RASA1: variants seen among roughly 807,000 people sequenced by gnomAD.
The protein encoded by RASA1 is RAS p21 protein activator 1.
Under a neutral mutation model 132.2 loss-of-function variants are expected in RASA1, and 25 were observed. The ratio of observed to expected loss-of-function variants is 0.19; its 90% confidence interval spans 0.14 to 0.26. The LOEUF (loss-of-function observed/expected upper bound fraction) is 0.26. Among genes scored for constraint, RASA1 ranks in the 10% least tolerant of loss-of-function variants. The probability of loss-of-function intolerance (pLI) is 1.00; values close to 1 mark genes in which losing one functional copy is unlikely to be tolerated. For missense variants in RASA1, 964 were observed against 1,299.2 expected, an observed-to-expected ratio of 0.74 and a Z score of 3.97; for synonymous variants, 477 against 449.9, an observed-to-expected ratio of 1.06 and a Z score of -0.76.
At chr5:87,322,887 G>A (rs549409277) in intron 1 of RASA1, among the ~76,000 whole-genome samples, 1 of 152,334 alleles carries the variant, frequency 6.6e-6, no homozygotes, top group African/African-American at 2.4e-5. Context: ...TAGGAAGGAT[G>A]CTGGTGTTAT....
chr5:87,278,390 C>CA (rs55633664), intron 1 of RASA1, among the ~76,000 whole-genome samples: 1,785 of 126,376 alleles, frequency 0.014, 13 homozygotes, highest in Non-Finnish European at 0.018. Flanking sequence ...ACTAAAAATA[C>CA]AAAAAAAAAA....
chr5:87,332,724 G>T, intron 3 of RASA1, 82 bp downstream of exon 3: 1 of 1,331,734 alleles, frequency 7.5e-7, no homozygotes, highest in Non-Finnish European at 1.0e-6. Flanking sequence ...AGTTTCTTAT[G>T]TTTATTATAA....
chr5:87,348,640 A>AT lies in RASA1; in HGVS notation c.1103-561dup, dbSNP rs1004683068. 1.0e-3 allele frequency among the ~76,000 whole-genome samples: 147 copies of AT among 145,450 alleles called. No individual in the cohort carries two copies. In the East Asian group the frequency reaches 0.011, roughly 11 times the overall value. ...ATTTTATTACAGTTATTACTTTTTA[A>AT]TTTTTTTTTTTTTAAGATGCAGGAT... On this transcript the variant is annotated intron_variant, in intron 7 of 24. Transcript: ENST00000274376.
intron 1 of RASA1, among the ~76,000 whole-genome samples, chr5:87,281,904 T>G (rs1240696367): frequency 6.6e-6 from 1 of 152,086 alleles, no homozygotes; most frequent in Non-Finnish European, 1.5e-5. Context: ...CGAGTTGAGT[T>G]TTTTTGTTTT....
intron 20 of RASA1, among the ~76,000 whole-genome samples, chr5:87,381,062 A>G (rs1261317407): frequency 6.6e-6 from 1 of 152,206 alleles, no homozygotes; most frequent in Non-Finnish European, 1.5e-5. Flanking sequence ...AATTAGGAAG[A>G]ACTGCTTTGG....
intron 1 of RASA1, among the ~76,000 whole-genome samples, chr5:87,273,941 G>A (rs373402785): frequency 5.9e-5 from 9 of 152,144 alleles, no homozygotes; most frequent in Admixed American, 2.6e-4. Flanking sequence ...CAGGTGATCC[G>A]CCTGCCTTGG....
chr5:87,379,922 T>C (rs1017298404), intron 19 of RASA1, 72 bp downstream of exon 19: 6 of 1,449,682 alleles, frequency 4.1e-6, no homozygotes, highest in Admixed American at 3.6e-5. Context: ...TTCTAAAACG[T>C]GAAAGCTTTT....
At position 87,268,627 on chromosome 5, in the gene RASA1, G is replaced by A; in HGVS notation, c.176G>A (p.Gly59Glu). The A allele has an allele frequency of 6.2e-7, 1 of 1,611,912 alleles. No homozygotes were observed. Among genetic ancestry groups the A allele is most frequent in the Non-Finnish European group, 8.5e-7 (1 of 1,179,452 alleles). ...YPGLVETGVAGTLGGGAALGS... is the reference protein window; with the variant it reads ...YPGLVETGVAETLGGGAALGS... Reference sequence around the variant, plus strand: ...GGGCTGGTGGAGACCGGAGTGGCTGGAACTCTGGGTGGCGGAGCCGCTTTG... The same window carrying A: ...GGGCTGGTGGAGACCGGAGTGGCTGAAACTCTGGGTGGCGGAGCCGCTTTG... The change falls in exon 1 of 25, where the codon GGA becomes GAA. Residue 59 changes from glycine (G) to glutamate (E), a missense_variant. Physicochemically the swap from Gly to Glu is moderately conservative, Grantham distance 98 (BLOSUM62 -2). Around this residue, in one of 6 missense-constraint regions of RASA1, gnomAD observed 326 missense variants for 275.8 expected, o/e 1.18. Transcript: ENST00000274376.
intron 1 of RASA1, among the ~76,000 whole-genome samples, chr5:87,277,394 G>A (rs951561942): frequency 4.6e-5 from 7 of 152,144 alleles, no homozygotes; most frequent in African/African-American, 1.7e-4. Context: ...AGGTAATTAA[G>A]GTTAAATGAG....
At chr5:87,327,968 CAAAA>C (rs777320325) in intron 1 of RASA1, among the ~76,000 whole-genome samples, 1 of 112,012 alleles carries the variant, frequency 8.9e-6, no homozygotes, top group Non-Finnish European at 1.9e-5. Context: ...CTCCGTTTCC[CAAAA>C]AAAAAAAAAA....
intron 14 of RASA1, 107 bp from the exon 15 acceptor site, chr5:87,374,733 T>C: frequency 6.7e-7 from 1 of 1,499,064 alleles, no homozygotes; most frequent in East Asian, 2.4e-5. Context: ...CACACTGTTT[T>C]TTTTTTTAAA....
chr5:87,322,831 C>A (rs527802109), intron 1 of RASA1, among the ~76,000 whole-genome samples: 1 of 152,116 alleles, frequency 6.6e-6, no homozygotes, highest in East Asian at 1.9e-4. Flanking sequence ...AAAATAACAC[C>A]ACAAGAAGGA....
Position 87,363,507 on chromosome 5 carries a change from A to AAG in RASA1, c.1610+7_1610+8dup. On this transcript the variant is annotated splice_donor_region_variant and intron_variant, in intron 11 of 24. Coordinates refer to ENST00000274376, the MANE Select transcript of RASA1 (RefSeq NM_002890.3). ...GTTCATGATAGTCTCTTTGGCAGGT[A>AAG]AGAGACTGGTTTCCTATTTTTCTTT... The AAG allele has an allele frequency of 6.2e-7, 1 of 1,610,102 alleles. No homozygotes were observed. Among genetic ancestry groups the AAG allele is most frequent in the East Asian group, 2.2e-5 (1 of 44,682 alleles).
intron 1 of RASA1, among the ~76,000 whole-genome samples, chr5:87,275,516 T>C (rs1161097634): frequency 1.3e-5 from 2 of 152,060 alleles, no homozygotes; most frequent in African/African-American, 4.8e-5. Flanking sequence ...GGTAGATGGC[T>C]GGGCATTTCC....
At chr5:87,316,230 A>G (rs533301234) in intron 1 of RASA1, among the ~76,000 whole-genome samples, 20 of 152,312 alleles carry the variant, frequency 1.3e-4, no homozygotes, top group Middle Eastern at 3.4e-3. Context: ...TGTGCCCTCT[A>G]AGATGTTCTT....
At chr5:87,325,722 ACTCT>A (rs1757181450) in intron 1 of RASA1, among the ~76,000 whole-genome samples, 1 of 151,448 alleles carries the variant, frequency 6.6e-6, no homozygotes, top group African/African-American at 2.4e-5. Flanking sequence ...TATAAAAGGA[ACTCT>A]ATTGATGTTA....
chr5:87,353,796 A>G (rs2112433245), intron 9 of RASA1, among the ~76,000 whole-genome samples: 1 of 152,200 alleles, frequency 6.6e-6, no homozygotes, highest in East Asian at 1.9e-4. Context: ...TCTAGAACAT[A>G]AAAGGAAAGA....
chr5:87,338,145 G>A, intron 5 of RASA1, 54 bp downstream of exon 5: 1 of 1,604,988 alleles, frequency 6.2e-7, no homozygotes, highest in Non-Finnish European at 8.5e-7. Context: ...TTATAAATTT[G>A]GATCTTGTCC....
intron 1 of RASA1, among the ~76,000 whole-genome samples, chr5:87,323,302 A>G (rs542368330): frequency 1.5e-4 from 23 of 152,320 alleles, no homozygotes; most frequent in African/African-American, 5.3e-4. Context: ...ACATTGCCTA[A>G]CGCATAATAG....
Sources: allele counts gnomAD v4.1 joint callset (sites outside exome capture counted in the v4.1 genomes callset), GRCh38; gene constraint gnomAD v4.1.1; regional missense constraint gnomAD v4.1.1; transcripts MANE v1.5; gene names NCBI Gene and HGNC (gene_info 2026-07-23, HGNC 2026-07-21).